PRKCB: variants seen among roughly 807,000 people sequenced by gnomAD.
PRKCB encodes protein kinase C beta.
In PRKCB, 13 loss-of-function variants were observed where a neutral mutation model predicts 81.5. The observed-to-expected ratio is 0.16, with a 90% confidence interval of 0.10 to 0.25. The LOEUF (loss-of-function observed/expected upper bound fraction) is 0.25, where lower values mean the gene tolerates loss of function less well. Ranked by LOEUF, PRKCB falls within the 10% of genes least tolerant of loss-of-function variation. The probability of loss-of-function intolerance (pLI) is 1.00; values close to 1 mark genes in which losing one functional copy is unlikely to be tolerated. For missense variants in PRKCB, 509 were observed against 875.7 expected, an observed-to-expected ratio of 0.58 and a Z score of 5.29; for synonymous variants, 335 against 321.4, an observed-to-expected ratio of 1.04 and a Z score of -0.45.
chr16:24,064,779 C>G (rs925129954), intron 5 of PRKCB, among the ~76,000 whole-genome samples: 1 of 151,604 alleles, frequency 6.6e-6, no homozygotes, highest in Non-Finnish European at 1.5e-5. Flanking sequence ...TTGATATCTC[C>G]TCGGTGAATT....
At chr16:23,843,333 G>T (rs772352771) in intron 2 of PRKCB, among the ~76,000 whole-genome samples, 11 of 152,104 alleles carry the variant, frequency 7.2e-5, no homozygotes, top group South Asian at 4.1e-4. Context: ...AGAGACCTGT[G>T]AGCCAAACTC....
intron 12 of PRKCB, 70 bp from the exon 13 acceptor site, chr16:24,180,720 T>C (rs1967606568): frequency 6.4e-7 from 1 of 1,552,990 alleles, no homozygotes. Flanking sequence ...TTATGCATAA[T>C]GAGTGGCTGT....
chr16:24,088,714 CA>C (rs56883594), intron 5 of PRKCB, among the ~76,000 whole-genome samples: 6,213 of 113,526 alleles, frequency 0.055, 161 homozygotes, highest in African/African-American at 0.078. Flanking sequence ...GACCCTGTGT[CA>C]AAAAAAAAAA....
intron 5 of PRKCB, among the ~76,000 whole-genome samples, chr16:24,091,615 T>G (rs939898892): frequency 6.7e-6 from 1 of 149,038 alleles, no homozygotes. Flanking sequence ...CTCCTGTAAG[T>G]TCATCTTTTT....
At chr16:24,165,363 GT>G (rs1159860087) in intron 10 of PRKCB, among the ~76,000 whole-genome samples, 1 of 152,194 alleles carries the variant, frequency 6.6e-6, no homozygotes, top group Non-Finnish European at 1.5e-5. Context: ...TTAGATTAGG[GT>G]TTGAATTAGT....
At chr16:24,050,465 T>C (rs988108222) in intron 5 of PRKCB, among the ~76,000 whole-genome samples, 1 of 124,108 alleles carries the variant, frequency 8.1e-6, no homozygotes, top group African/African-American at 4.3e-5. Flanking sequence ...AGGTTTTATG[T>C]AACACACACA....
At chr16:23,972,319 A>C (rs1193753406) in intron 2 of PRKCB, among the ~76,000 whole-genome samples, 1 of 152,206 alleles carries the variant, frequency 6.6e-6, no homozygotes, top group Admixed American at 6.5e-5. Flanking sequence ...TTTTGGTGGT[A>C]CATGCGTATA....
chr16:24,073,958 T>C lies in PRKCB; in HGVS notation c.530-18833T>C, dbSNP rs1422051734. ...GAGATCGAGACCATCCTGGCTAACA[T>C]GGTGAAACCCCGATACAAAAATATT... On this transcript the variant is annotated intron_variant, in intron 5 of 16. Coordinates refer to ENST00000643927, the MANE Select transcript of PRKCB (RefSeq NM_002738.7). 2.0e-5 allele frequency among the ~76,000 whole-genome samples: 3 copies of C among 151,998 alleles called. No individual in the cohort carries two copies. In the East Asian group the frequency reaches 5.8e-4, roughly 30 times the overall value.
intron 10 of PRKCB, among the ~76,000 whole-genome samples, chr16:24,167,261 T>C (rs1456588270): frequency 6.6e-6 from 1 of 152,122 alleles, no homozygotes; most frequent in Non-Finnish European, 1.5e-5. Flanking sequence ...CCTTGGACCC[T>C]GAGAATATAA....
intron 10 of PRKCB, among the ~76,000 whole-genome samples, chr16:24,158,206 G>A (rs768979179): frequency 1.9e-4 from 29 of 152,174 alleles, no homozygotes; most frequent in East Asian, 1.7e-3. Flanking sequence ...TGCACTCTGC[G>A]CATATGCTCA....
At chr16:24,093,730 C>G (rs923519093) in intron 6 of PRKCB, among the ~76,000 whole-genome samples, 2 of 152,194 alleles carry the variant, frequency 1.3e-5, no homozygotes, top group African/African-American at 4.8e-5. Flanking sequence ...CAGCCTCAGT[C>G]AAGGACATGT....
rs567385744 is a variant in PRKCB at position 23,930,332 on chromosome 16, G to A, written c.206-58176G>A. On this transcript the variant is annotated intron_variant, in intron 2 of 16. Transcript: ENST00000643927. ...CCCTATAATCCCAGCACTTTGGGAG[G>A]CCAAGGTGGGCAGATCACTTGAGCC... Among the ~76,000 whole-genome samples, 202 of 152,186 alleles carry A rather than the reference G, an allele frequency of 1.3e-3. 7 individuals are homozygous for A. In the South Asian group the frequency reaches 0.04, roughly 30 times the overall value.
chr16:23,864,308 A>G (rs1224926873), intron 2 of PRKCB, among the ~76,000 whole-genome samples: 1 of 152,128 alleles, frequency 6.6e-6, no homozygotes, highest in East Asian at 1.9e-4. Context: ...AAAGATATTT[A>G]TTGCCGGGCA....
At chr16:23,860,832 G>A (rs1026224474) in intron 2 of PRKCB, among the ~76,000 whole-genome samples, 6 of 152,080 alleles carry the variant, frequency 3.9e-5, no homozygotes, top group African/African-American at 1.4e-4. Context: ...GCTTGGACCC[G>A]GAGTCAGAGG....
intron 2 of PRKCB, among the ~76,000 whole-genome samples, chr16:23,970,035 A>G (rs1382033150): frequency 6.6e-6 from 1 of 152,172 alleles, no homozygotes; most frequent in African/African-American, 2.4e-5. Flanking sequence ...CATCATGTCA[A>G]TGCCAGTACA....
intron 5 of PRKCB, among the ~76,000 whole-genome samples, chr16:24,085,119 C>T (rs1259972311): frequency 7.5e-6 from 1 of 134,144 alleles, no homozygotes; most frequent in Non-Finnish European, 1.6e-5. Context: ...GGAAAGGAAA[C>T]AGTTGAGGAA....
rs1376814443 is a variant in PRKCB, at chr16:24,116,284, C to G, written c.918+3215C>G. On this transcript the variant is annotated intron_variant, in intron 8 of 16. Coordinates refer to ENST00000643927, the MANE Select transcript of PRKCB (RefSeq NM_002738.7). ...AGAAATAGCGCTTAGGGGCCAGGCA[C>G]GGTGGCTCATGCCTATAATCCCAGC... Among the ~76,000 whole-genome samples, 3 of 151,790 alleles carry G rather than the reference C, an allele frequency of 2.0e-5. No homozygotes were observed. In the East Asian group the frequency reaches 5.8e-4, roughly 29 times the overall value.
At chr16:23,861,810 G>T (rs1962670577) in intron 2 of PRKCB, among the ~76,000 whole-genome samples, 1 of 152,226 alleles carries the variant, frequency 6.6e-6, no homozygotes, top group Non-Finnish European at 1.5e-5. Context: ...AGTGTAAAAA[G>T]AGGGAGAGGA....
intron 2 of PRKCB, among the ~76,000 whole-genome samples, chr16:23,944,429 C>T (rs1480496268): frequency 1.3e-5 from 2 of 151,952 alleles, no homozygotes; most frequent in African/African-American, 4.8e-5. Flanking sequence ...TTTTTATTCA[C>T]CCTGCTGTGG....
Sources: gnomAD v4.1 joint callset for allele counts (sites outside exome capture counted in the v4.1 genomes callset) on GRCh38, gnomAD v4.1.1 for gene constraint, MANE v1.5 for transcripts, NCBI Gene and HGNC (gene_info 2026-07-23, HGNC 2026-07-21) for gene names.